Variants in PLEKHG5 observed in about 807,000 individuals in gnomAD.
PLEKHG5 encodes pleckstrin homology domain-containing family G member 5.
In PLEKHG5, 52 loss-of-function variants were observed where a neutral mutation model predicts 103.8. The observed-to-expected ratio is 0.50, with a 90% CI of 0.40 to 0.63. PLEKHG5 has a LOEUF of 0.63. Among genes scored for constraint, PLEKHG5 ranks in the 30% least tolerant of loss-of-function variants. The pLI, the probability that PLEKHG5 is intolerant of heterozygous loss-of-function variation, is 0.00. For missense variants in PLEKHG5, 1,205 were observed against 1,347.6 expected (o/e 0.89, Z 1.66); for synonymous variants, 592 against 575.5 (o/e 1.03, Z -0.41).
intron 1 of PLEKHG5, among the ~76,000 whole-genome samples, chr1:6,484,588 C>A (rs1233334503): frequency 6.6e-6 from 1 of 152,124 alleles, no homozygotes; most frequent in Non-Finnish European, 1.5e-5. Context: ...ACCCCCAAAC[C>A]CCAGAGTCTC....
intron 1 of PLEKHG5, among the ~76,000 whole-genome samples, chr1:6,479,048 C>T (rs1644834737): frequency 6.6e-6 from 1 of 152,016 alleles, no homozygotes; most frequent in African/African-American, 2.4e-5. Flanking sequence ...CTGCTTCTCT[C>T]CCATTCTCTT....
chr1:6,519,583 C>G, exon 1 of PLEKHG5: 1 of 1,116,044 alleles, frequency 9.0e-7, no homozygotes, highest in Non-Finnish European at 1.4e-6. Flanking sequence ...CCTCTCTAAT[C>G]AGACACACAG....
chr1:6,471,127 G>T, intron 12 of PLEKHG5, 27 bp from the exon 13 acceptor site: 1 of 1,530,724 alleles, frequency 6.5e-7, no homozygotes, highest in Non-Finnish European at 8.9e-7. Context: ...CAACCACGGC[G>T]CCGGTTACCG....
rs367829100 is a variant in PLEKHG5, at chr1:6,470,487, C to T, written c.1680+19G>A. ...TTCCTCTCTCCCAGCCGGCAACCCC[C>T]GCAGACACACACGCCCACCTTGTCC... On this transcript the variant is annotated intron_variant, in intron 15 of 20. Coordinates refer to ENST00000377728, the MANE Select transcript of PLEKHG5 (RefSeq NM_020631.6). 6.5e-5 allele frequency: 104 copies of T among 1,610,796 alleles called. No homozygotes were observed. The highest frequency in any genetic ancestry group is 8.3e-5 in the Admixed American group (5 of 60,032).
chr1:6,518,154 G>T (rs1039435385), intron 1 of PLEKHG5, among the ~76,000 whole-genome samples: 1 of 151,368 alleles, frequency 6.6e-6, no homozygotes, highest in Non-Finnish European at 1.5e-5. Flanking sequence ...GGATGGTCTT[G>T]ATCTCCTGAC....
chr1:6,471,815 G>C lies in PLEKHG5; in HGVS notation c.1081-7C>G, dbSNP rs1452351836. 6.2e-7 allele frequency: 1 copy of C among 1,604,942 alleles called. No homozygotes were observed. The highest frequency in any genetic ancestry group is 2.2e-5 in the East Asian group (1 of 44,648). On this transcript the variant is annotated splice_polypyrimidine_tract_variant and splice_region_variant and intron_variant, in intron 10 of 20. Transcript: ENST00000377728. ...GGAGGCAGCACAGGAACAGCTGTGG[G>C]ATCAGGGGATGGTGTGACTGGGGTC...
At chr1:6,478,297 G>A (rs1320681232) in intron 1 of PLEKHG5, among the ~76,000 whole-genome samples, 3 of 151,806 alleles carry the variant, frequency 2.0e-5, no homozygotes, top group Admixed American at 6.6e-5. Context: ...TCAGCCTCCC[G>A]AGTAGCTTGG....
chr1:6,475,355 C>T, intron 4 of PLEKHG5, 107 bp downstream of exon 4: 1 of 984,034 alleles, frequency 1.0e-6, no homozygotes, highest in East Asian at 2.4e-5. Flanking sequence ...GACCTCTGCA[C>T]CCTGGGATGC....
chr1:6,502,560 C>T (rs532940635), intron 1 of PLEKHG5, among the ~76,000 whole-genome samples: 231 of 152,388 alleles, frequency 1.5e-3, no homozygotes, highest in Non-Finnish European at 2.7e-3. Flanking sequence ...CGGCCACTTC[C>T]TCCGGCTGAG....
chr1:6,518,607 T>A (rs1298628828), intron 1 of PLEKHG5, among the ~76,000 whole-genome samples: 1 of 150,650 alleles, frequency 6.6e-6, no homozygotes, highest in Non-Finnish European at 1.5e-5. Flanking sequence ...AATATGGATG[T>A]GCAGGAGGAA....
In PLEKHG5 at chr1:6,468,273, A is replaced by C. The variant is rs1241010431; in HGVS notation, c.2563T>G (p.Ser855Ala). Residue 855 changes from serine (S) to alanine (A), a missense_variant, in exon 20 of 21, where the codon TCG (serine) becomes GCG (alanine). Physicochemically the swap from Ser to Ala is moderately conservative, Grantham distance 99. Coordinates refer to ENST00000377728, the MANE Select transcript of PLEKHG5 (RefSeq NM_020631.6). ...ESPRVPSPPP[S>A]PRLRRRTPVQ... The stretch of plus-strand genomic sequence containing the variant: ...GGGGTGCGGCGGCGGAGACGGGGCG[A>C]GGGTGGAGGGGAAGGAACTCGTGGG... 1 of 1,606,064 alleles carries C rather than the reference A, an allele frequency of 6.2e-7. No individual in the cohort carries two copies. Among genetic ancestry groups the C allele is most frequent in the Non-Finnish European group, 8.5e-7 (1 of 1,175,522 alleles).
chr1:6,475,822 A>T, intron 3 of PLEKHG5, 109 bp downstream of exon 3: 1 of 976,174 alleles, frequency 1.0e-6, no homozygotes, highest in African/African-American at 1.6e-5. Flanking sequence ...AGGTCTGCCC[A>T]TCAGCCTTAC....
At chr1:6,478,834 G>C (rs1569903991) in intron 1 of PLEKHG5, among the ~76,000 whole-genome samples, 1 of 152,054 alleles carries the variant, frequency 6.6e-6, no homozygotes, top group East Asian at 1.9e-4. Flanking sequence ...AGTAGAGACG[G>C]AGTTTCACCA....
chr1:6,485,511 T>C (rs1176067632), intron 1 of PLEKHG5: 1 of 1,228,798 alleles, frequency 8.1e-7, no homozygotes, highest in Non-Finnish European at 1.0e-6. Flanking sequence ...TTCCTGCCAT[T>C]GTGCGGCCGC....
chr1:6,474,206 G>C (rs1644688096), intron 6 of PLEKHG5, 42 bp from the exon 7 acceptor site: 1 of 1,607,788 alleles, frequency 6.2e-7, no homozygotes. Flanking sequence ...ACCCTGGTCT[G>C]GTGGAGGAGG....
chr1:6,468,904 G>C, intron 19 of PLEKHG5, 138 bp downstream of exon 19: 1 of 794,184 alleles, frequency 1.3e-6, no homozygotes, highest in Non-Finnish European at 2.1e-6. Flanking sequence ...CCGGACTCTG[G>C]GGGAGACAGA....
rs904726266 is a variant in PLEKHG5, at chr1:6,470,561, A to C, written c.1625T>G (p.Val542Gly). Residue 542 changes from valine to glycine, a missense_variant, in exon 15 of 21, where the codon GTG becomes GGG. Transcript: ENST00000377728. ...RQERQRLAAV[V>G]SRIDAYEVVE... ...CACCTCGTAGGCGTCGATGCGGCTCACCACGGCCGCCAGCCGCTGCCGCTC... is the reference window on the plus strand; with the variant it reads ...CACCTCGTAGGCGTCGATGCGGCTCCCCACGGCCGCCAGCCGCTGCCGCTC... The C allele has an allele frequency of 3.1e-6, 5 of 1,590,996 alleles. 1 individual carries two copies. The highest frequency in any genetic ancestry group is 4.3e-6 in the Non-Finnish European group (5 of 1,175,212).
At chr1:6,493,515 C>T (rs528785335), upstream of PLEKHG5, among the ~76,000 whole-genome samples, 5 of 152,310 alleles carry the variant, frequency 3.3e-5, no homozygotes, top group East Asian at 1.9e-4. Flanking sequence ...TCTGGGCCTC[C>T]GTTTCCTTAC....
At position 6,481,683 on chromosome 1, in the gene PLEKHG5, T is replaced by A. The variant is rs1644906724; in HGVS notation, c.-87-4025A>T. ...ATCAAGACCATCCTGGCTAACATGG[T>A]GAAACCCCGTCTCTACTAAAAACAC... is the stretch of plus-strand genomic sequence containing the variant. On this transcript the variant is annotated intron_variant, in intron 1 of 20. Transcript: ENST00000377728. 1.3e-5 allele frequency among the ~76,000 whole-genome samples: 2 copies of A among 149,480 alleles called. 1 individual carries two copies. Among genetic ancestry groups the A allele is most frequent in the South Asian group, 4.2e-4 (2 of 4,732 alleles).
Sources: allele counts gnomAD v4.1 joint callset (sites outside exome capture counted in the v4.1 genomes callset), GRCh38; gene constraint gnomAD v4.1.1; transcripts MANE v1.5; gene names NCBI Gene and HGNC (gene_info 2026-07-23, HGNC 2026-07-21).